The following CNTN5 variants were observed in gnomAD, a reference collection of about 807,000 sequenced individuals.
CNTN5 encodes contactin-5.
A neutral mutation model predicts 129.1 loss-of-function variants in CNTN5; 77 were observed. That is an observed-to-expected ratio of 0.60 (90% CI 0.50 to 0.72). CNTN5 has a LOEUF of 0.72. Ranked by LOEUF, CNTN5 falls within the 30% of genes least tolerant of loss-of-function variation. The pLI is 0.00. For missense variants in CNTN5, 1,478 were observed against 1,328.8 expected (o/e 1.11, Z -1.75); for synonymous variants, 509 against 465.6 (o/e 1.09, Z -1.20).
At chr11:100,115,147 A>G (rs1473979648) in intron 13 of CNTN5, among the ~76,000 whole-genome samples, 5 of 151,432 alleles carry the variant, frequency 3.3e-5, no homozygotes, top group African/African-American at 1.2e-4. Flanking sequence ...AAAGAAAGAA[A>G]GAAAGAGACT....
In CNTN5 at chr11:99,499,834, A is replaced by G. The variant is rs116555114; in HGVS notation, c.-70-56311A>G. 5.9e-3 allele frequency among the ~76,000 whole-genome samples: 904 copies of G among 152,306 alleles called. 11 individuals carry two copies. The highest frequency in any genetic ancestry group is 0.021 in the African/African-American group (862 of 41,558). On this transcript the variant is annotated intron_variant, in intron 2 of 24. Coordinates refer to ENST00000524871, the MANE Select transcript of CNTN5 (RefSeq NM_014361.4). ...GTTTTCTGTTTTTGATGTGTTTCCT[A>G]TGAAATTCATGTCACAACATAAATA... is the stretch of plus-strand genomic sequence containing the variant.
In CNTN5 at chr11:99,956,306, A is replaced by G. The variant is rs186762726; in HGVS notation, c.674-500A>G. Among the ~76,000 whole-genome samples the G allele has an allele frequency of 4.1e-3, 629 of 152,342 alleles. 1 individual carries two copies. The highest frequency in any genetic ancestry group is 0.014 in the African/African-American group (601 of 41,572). On this transcript the variant is annotated intron_variant, in intron 7 of 24. Coordinates refer to ENST00000524871, the MANE Select transcript of CNTN5 (RefSeq NM_014361.4). ...TAATTTAGAAGTTAAACTAAGTTAC[A>G]AAATGGGATGTGTGTAGAGAACATT...
At chr11:100,300,264 G>A (rs1382413298) in intron 20 of CNTN5, among the ~76,000 whole-genome samples, 1 of 151,466 alleles carries the variant, frequency 6.6e-6, no homozygotes, top group Non-Finnish European at 1.5e-5. Context: ...CTGGGTGAAA[G>A]TATAATAATA....
At chr11:99,936,229 G>A (rs376626994) in intron 7 of CNTN5, among the ~76,000 whole-genome samples, 2 of 152,180 alleles carry the variant, frequency 1.3e-5, no homozygotes, top group East Asian at 3.9e-4. Flanking sequence ...AGCAGGGGTT[G>A]CAGACATAAG....
intron 13 of CNTN5, among the ~76,000 whole-genome samples, chr11:100,160,500 T>C (rs75369722): frequency 0.013 from 1,969 of 152,052 alleles, 36 homozygotes; most frequent in African/African-American, 0.045. Flanking sequence ...AAGATGATTG[T>C]TTATGATTCC....
chr11:99,801,861 C>T (rs575257090), intron 3 of CNTN5, among the ~76,000 whole-genome samples: 9 of 152,208 alleles, frequency 5.9e-5, no homozygotes, highest in African/African-American at 2.2e-4. Context: ...TCAACCTTCT[C>T]TTTGGATATC....
intron 1 of CNTN5, among the ~76,000 whole-genome samples, chr11:99,187,782 A>G (rs528555930): frequency 6.6e-6 from 1 of 151,894 alleles, no homozygotes; most frequent in East Asian, 1.9e-4. Context: ...TGAGTTGTTT[A>G]TAGTTTTTTG....
At chr11:100,084,836 C>T (rs989321564) in intron 13 of CNTN5, among the ~76,000 whole-genome samples, 1 of 152,218 alleles carries the variant, frequency 6.6e-6, no homozygotes, top group Middle Eastern at 3.4e-3. Context: ...GGTAGCTCTA[C>T]TTCTCCTTTT....
intron 3 of CNTN5, among the ~76,000 whole-genome samples, chr11:99,782,771 C>G: frequency 6.6e-6 from 1 of 151,834 alleles, no homozygotes; most frequent in Non-Finnish European, 1.5e-5. Flanking sequence ...AACTGGCTAG[C>G]CATATGTAGA....
chr11:99,239,102 T>G (rs1050198276), intron 1 of CNTN5, among the ~76,000 whole-genome samples: 5 of 152,130 alleles, frequency 3.3e-5, no homozygotes, highest in African/African-American at 1.2e-4. Context: ...AAAAATTAAT[T>G]GTACAAAATG....
intron 2 of CNTN5, among the ~76,000 whole-genome samples, chr11:99,425,547 C>T (rs111449601): frequency 2.0e-5 from 3 of 152,336 alleles, no homozygotes; most frequent in African/African-American, 7.2e-5. Flanking sequence ...CATAACAGCA[C>T]CACCCCAAAT....
At chr11:99,982,860 C>T (rs1351063256) in intron 8 of CNTN5, among the ~76,000 whole-genome samples, 1 of 152,106 alleles carries the variant, frequency 6.6e-6, no homozygotes, top group Admixed American at 6.5e-5. Context: ...CCAGGATGGT[C>T]TCGATCTCCT....
At chr11:99,583,771 C>T (rs1226404728) in intron 3 of CNTN5, among the ~76,000 whole-genome samples, 5 of 152,162 alleles carry the variant, frequency 3.3e-5, no homozygotes, top group Non-Finnish European at 7.3e-5. Context: ...CCTTGTGCTT[C>T]CCGGGTGAGG....
intron 1 of CNTN5, among the ~76,000 whole-genome samples, chr11:99,294,436 T>C (rs1591482067): frequency 6.6e-6 from 1 of 152,142 alleles, no homozygotes; most frequent in African/African-American, 2.4e-5. Flanking sequence ...GAAAAATACA[T>C]TACCTAGGAA....
intron 8 of CNTN5, among the ~76,000 whole-genome samples, chr11:99,983,191 A>G (rs1341274021): frequency 6.6e-6 from 1 of 152,252 alleles, no homozygotes; most frequent in African/African-American, 2.4e-5. Flanking sequence ...TAGAGTGAAT[A>G]TAATTATTCT....
At chr11:100,164,353 C>A (rs1013740915) in intron 13 of CNTN5, among the ~76,000 whole-genome samples, 1 of 151,760 alleles carries the variant, frequency 6.6e-6, no homozygotes, top group African/African-American at 2.4e-5. Flanking sequence ...TTATTATTTG[C>A]TGGATTTCTG....
At chr11:100,119,455 A>G (rs1352652870) in intron 13 of CNTN5, among the ~76,000 whole-genome samples, 1 of 151,910 alleles carries the variant, frequency 6.6e-6, no homozygotes, top group Non-Finnish European at 1.5e-5. Flanking sequence ...CCAGACAACA[A>G]AACAGTTCTT....
chr11:100,151,871 A>G (rs751651461), intron 13 of CNTN5, among the ~76,000 whole-genome samples: 1 of 152,148 alleles, frequency 6.6e-6, no homozygotes, highest in Non-Finnish European at 1.5e-5. Context: ...TGTGTATAGT[A>G]TGTCTTTATT....
intron 8 of CNTN5, among the ~76,000 whole-genome samples, chr11:99,989,682 C>T (rs748748194): frequency 1.1e-4 from 17 of 152,030 alleles, no homozygotes; most frequent in Non-Finnish European, 2.1e-4. Context: ...AAATAATAAA[C>T]ATCTACTTTT....
Sources: gnomAD v4.1 joint callset for allele counts (sites outside exome capture counted in the v4.1 genomes callset) on GRCh38, gnomAD v4.1.1 for gene constraint, MANE v1.5 for transcripts, NCBI Gene and HGNC (gene_info 2026-07-23, HGNC 2026-07-21) for gene names.